The following AGBL4 variants were observed in gnomAD, a reference collection of about 807,000 sequenced individuals.
AGBL4 encodes cytosolic carboxypeptidase 6.
In AGBL4, 58 loss-of-function variants were observed where a neutral mutation model predicts 66.4. The ratio of observed to expected loss-of-function variants is 0.87; its 90% CI spans 0.71 to 1.09. AGBL4 has a LOEUF of 1.09. AGBL4 is among the 50% of genes least tolerant of loss of function. The pLI is 0.00. For missense variants in AGBL4, 579 were observed against 631.0 expected, an observed-to-expected ratio of 0.92 and a Z score of 0.88; for synonymous variants, 234 against 222.9, an observed-to-expected ratio of 1.05 and a Z score of -0.44.
chr1:49,220,030 C>T (rs1323457567), intron 4 of AGBL4, among the ~76,000 whole-genome samples: 1 of 152,056 alleles, frequency 6.6e-6, no homozygotes. Flanking sequence ...ATCTGGCCCA[C>T]AGATAGCTAT....
At chr1:49,759,070 T>C (rs1236470842) in intron 2 of AGBL4, among the ~76,000 whole-genome samples, 5 of 152,128 alleles carry the variant, frequency 3.3e-5, no homozygotes, top group Non-Finnish European at 7.4e-5. Flanking sequence ...AAATAGCAGT[T>C]TCCCCTTTTC....
At chr1:49,726,959 C>T (rs982329082) in intron 2 of AGBL4, among the ~76,000 whole-genome samples, 1 of 152,150 alleles carries the variant, frequency 6.6e-6, no homozygotes, top group Non-Finnish European at 1.5e-5. Flanking sequence ...TTTGACCCAA[C>T]TCAGGTCATA....
intron 2 of AGBL4, among the ~76,000 whole-genome samples, chr1:49,730,440 A>C (rs538525968): frequency 6.6e-6 from 1 of 152,180 alleles, no homozygotes; most frequent in African/African-American, 2.4e-5. Context: ...GGACTCCCCA[A>C]GCCAGAACTA....
intron 3 of AGBL4, among the ~76,000 whole-genome samples, chr1:49,366,971 T>C (rs1175876669): frequency 6.6e-6 from 1 of 152,152 alleles, no homozygotes; most frequent in East Asian, 1.9e-4. Context: ...CAAGACAAGC[T>C]AGGTGAGGCA....
At chr1:49,880,307 CT>C (rs1331377184) in intron 1 of AGBL4, among the ~76,000 whole-genome samples, 1 of 151,730 alleles carries the variant, frequency 6.6e-6, no homozygotes, top group African/African-American at 2.4e-5. Context: ...TACTTTTGGT[CT>C]TTGATGATGG....
At chr1:49,020,172 G>A (rs148624535) in intron 5 of AGBL4, among the ~76,000 whole-genome samples, 2 of 152,158 alleles carry the variant, frequency 1.3e-5, no homozygotes, top group African/African-American at 2.4e-5. Context: ...TCTGTGTTGA[G>A]AGAGCAGCAT....
chr1:48,682,807 G>A (rs1646475445), intron 6 of AGBL4, among the ~76,000 whole-genome samples: 1 of 152,186 alleles, frequency 6.6e-6, no homozygotes, highest in African/African-American at 2.4e-5. Context: ...GGCCAGCCCT[G>A]TAAGCACTCT....
intron 6 of AGBL4, among the ~76,000 whole-genome samples, chr1:48,701,186 G>A (rs1214926098): frequency 6.6e-6 from 1 of 152,044 alleles, no homozygotes; most frequent in African/African-American, 2.4e-5. Flanking sequence ...TTAAGAGCCA[G>A]CCTTAGTCTT....
intron 6 of AGBL4, among the ~76,000 whole-genome samples, chr1:48,693,317 A>G (rs879363068): frequency 1.3e-5 from 2 of 152,184 alleles, no homozygotes; most frequent in African/African-American, 2.4e-5. Flanking sequence ...CATCAACATG[A>G]CAGAGAGGAA....
intron 6 of AGBL4, among the ~76,000 whole-genome samples, chr1:48,785,843 C>T (rs1645395631): frequency 2.0e-5 from 3 of 152,102 alleles, no homozygotes; most frequent in African/African-American, 7.2e-5. Flanking sequence ...GAGAACCCTG[C>T]CTCATTCTAG....
intron 6 of AGBL4, among the ~76,000 whole-genome samples, chr1:48,848,505 C>T (rs1164608842): frequency 6.6e-6 from 1 of 152,056 alleles, no homozygotes; most frequent in Non-Finnish European, 1.5e-5. Flanking sequence ...ATGCATTTGA[C>T]CTTTTTATAG....
intron 3 of AGBL4, among the ~76,000 whole-genome samples, chr1:49,286,128 A>C (rs1181934281): frequency 6.6e-6 from 1 of 152,228 alleles, no homozygotes; most frequent in African/African-American, 2.4e-5. Context: ...TTATCTCAAT[A>C]GATGCAGAAA....
intron 1 of AGBL4, among the ~76,000 whole-genome samples, chr1:49,934,959 T>C (rs924569889): frequency 6.6e-6 from 1 of 152,150 alleles, no homozygotes; most frequent in Non-Finnish European, 1.5e-5. Flanking sequence ...TTCATCTCAC[T>C]AGGGAGTGCC....
At chr1:49,720,966 C>G (rs529530167) in intron 2 of AGBL4, among the ~76,000 whole-genome samples, 1 of 152,010 alleles carries the variant, frequency 6.6e-6, no homozygotes, top group Non-Finnish European at 1.5e-5. Flanking sequence ...TAATGAGAGG[C>G]GAAGCCAGCT....
rs1033420445 is a variant in AGBL4, at chr1:48,707,729, G to T, written c.635-44488C>A. ...GGCTGATGGGAACTGCCAATGTGAG[G>T]TCTCAGGTCATGAAGTCCACACCAG... On this transcript the variant is annotated intron_variant, in intron 6 of 13. Transcript: ENST00000371839. Among the ~76,000 whole-genome samples the T allele has an allele frequency of 2.6e-5, 4 of 152,306 alleles. No individual in the cohort carries two copies. The East Asian group carries it at 5.8e-4, about 22-fold the overall frequency.
chr1:49,194,079 G>A (rs532266419), intron 4 of AGBL4, among the ~76,000 whole-genome samples: 46 of 152,036 alleles, frequency 3.0e-4, no homozygotes, highest in Non-Finnish European at 8.8e-5. Flanking sequence ...TTGATTTTCT[G>A]TCTCAATGGT....
chr1:49,818,504 A>G (rs1170499051), intron 2 of AGBL4, among the ~76,000 whole-genome samples: 1 of 151,746 alleles, frequency 6.6e-6, no homozygotes, highest in African/African-American at 2.4e-5. Context: ...AGCTGGAATT[A>G]TAGGTGCATG....
chr1:49,502,027 C>T (rs919074767), intron 3 of AGBL4, among the ~76,000 whole-genome samples: 1 of 152,138 alleles, frequency 6.6e-6, no homozygotes, highest in East Asian at 1.9e-4. Context: ...TGTAACCTCA[C>T]ATATTATATA....
chr1:48,705,416 T>C (rs1213452402), intron 6 of AGBL4, among the ~76,000 whole-genome samples: 5 of 152,214 alleles, frequency 3.3e-5, no homozygotes. Context: ...ATAAATCTCA[T>C]AAAAATTGTT....
Sources: allele counts gnomAD v4.1 joint callset (sites outside exome capture counted in the v4.1 genomes callset), GRCh38; gene constraint gnomAD v4.1.1; transcripts MANE v1.5; gene names NCBI Gene and HGNC (gene_info 2026-07-23, HGNC 2026-07-21).